The following BRD8 variants were observed in gnomAD, a reference collection of about 807,000 sequenced individuals.
BRD8 encodes the protein bromodomain-containing protein 8.
BRD8 carries 67 observed loss-of-function variants against 143.1 expected under a neutral mutation model. The ratio of observed to expected loss-of-function variants is 0.47; its 90% confidence interval spans 0.38 to 0.57. BRD8 has a LOEUF of 0.57. Among genes scored for constraint, BRD8 ranks in the 20% least tolerant of loss-of-function variants. The pLI, the probability that BRD8 is intolerant of heterozygous loss-of-function variation, is 0.00. For missense variants in BRD8, 1,103 were observed against 1,503.0 expected (o/e 0.73, Z 4.40); for synonymous variants, 505 against 517.1 (o/e 0.98, Z 0.32).
intron 2 of BRD8, among the ~76,000 whole-genome samples, chr5:138,174,631 T>C (rs950923813): frequency 6.6e-6 from 1 of 151,712 alleles, no homozygotes; most frequent in Non-Finnish European, 1.5e-5. Context: ...ACATCAATTA[T>C]ATCACAAAAA....
chr5:138,171,846 C>G (rs1753888898), intron 3 of BRD8, among the ~76,000 whole-genome samples: 1 of 152,034 alleles, frequency 6.6e-6, no homozygotes, highest in Non-Finnish European at 1.5e-5. Context: ...GATCTAATTC[C>G]CAAGCTTGGG....
At chr5:138,175,443 A>C (rs1162030951) in intron 2 of BRD8, among the ~76,000 whole-genome samples, 1 of 151,964 alleles carries the variant, frequency 6.6e-6, no homozygotes, top group Non-Finnish European at 1.5e-5. Context: ...CTAGGCTGGG[A>C]GTGATGGCTC....
At chr5:138,149,858 A>C in intron 22 of BRD8, 61 bp from the exon 23 acceptor site, 1 of 1,506,042 alleles carries the variant, frequency 6.6e-7, no homozygotes. Flanking sequence ...TAGTAATTTT[A>C]CTTGCATAGA....
intron 25 of BRD8, among the ~76,000 whole-genome samples, chr5:138,144,898 C>CAAAAA (rs34496046): frequency 2.9e-4 from 30 of 103,468 alleles, no homozygotes; most frequent in Non-Finnish European, 4.1e-4. Context: ...GAGACCCTGT[C>CAAAAA]AAAAAAAAAA....
intron 23 of BRD8, 62 bp from the exon 24 acceptor site, chr5:138,145,940 C>A: frequency 7.1e-7 from 1 of 1,407,394 alleles, no homozygotes. Context: ...CTATCTCCCC[C>A]AGGTGGGTAA....
chr5:138,148,660 C>T (rs530618710), intron 23 of BRD8, among the ~76,000 whole-genome samples: 171 of 152,174 alleles, frequency 1.1e-3, no homozygotes, highest in Non-Finnish European at 1.9e-3. Flanking sequence ...TGAGCCACTG[C>T]GCCTGGCCTA....
At position 138,140,806 on chromosome 5, in the gene BRD8, G is replaced by C; in HGVS notation, c.3514C>G (p.Leu1172Val). ...IRTMAQFLRD[L>V]MLMFQNAVMY... ...ACAGCATTTTGGAACATCAGCATCA[G>C]GTCTCGCAGGAATTGGGCCATGGTG... Residue 1172 changes from leucine to valine, a missense_variant, in exon 26 of 27, where the codon CTG becomes GTG. This residue lies in a region of BRD8 where 369 missense variants were observed against 445.5 expected (regional missense o/e 0.83). Transcript: ENST00000254900. The C allele has an allele frequency of 6.2e-7, 1 of 1,614,122 alleles. No individual in the cohort carries two copies. The highest frequency in any genetic ancestry group is 8.5e-7 in the Non-Finnish European group (1 of 1,180,014).
chr5:138,168,865 T>G (rs2151209954), intron 8 of BRD8, among the ~76,000 whole-genome samples: 1 of 152,230 alleles, frequency 6.6e-6, no homozygotes, highest in Middle Eastern at 3.4e-3. Context: ...TTCTCTTTCA[T>G]CCACTCAAAC....
chr5:138,174,591 CAAA>C (rs76909663), intron 2 of BRD8, among the ~76,000 whole-genome samples: 1 of 114,700 alleles, frequency 8.7e-6, no homozygotes. Context: ...GACTCCATCT[CAAA>C]AAAAAAAAAA....
At chr5:138,156,886 GTT>G in intron 20 of BRD8, 1 of 996,302 alleles carries the variant, frequency 1.0e-6, no homozygotes, top group Non-Finnish European at 1.2e-6. Flanking sequence ...CCAAAGGCTA[GTT>G]TTTTTTTTCA....
At chr5:138,173,491 G>A (rs1046740159) in intron 2 of BRD8, among the ~76,000 whole-genome samples, 1 of 151,830 alleles carries the variant, frequency 6.6e-6, no homozygotes, top group African/African-American at 2.4e-5. Flanking sequence ...TACCTGTTTT[G>A]TTTAAAAATG....
chr5:138,151,109 C>T, intron 21 of BRD8, 101 bp from the exon 22 acceptor site: 1 of 1,408,298 alleles, frequency 7.1e-7, no homozygotes, highest in Non-Finnish European at 9.6e-7. Context: ...GTGACTAAGT[C>T]TGAGAGGACA....
Position 138,169,338 on chromosome 5 carries a change from G to T in BRD8, c.526C>A (p.Pro176Thr), listed in dbSNP as rs756029460. ...ATCACAGTGGGTAACCTCCGGGGGG[G>T]TGTTTTTACTGCTTGACGAGCTAGA... ...AYQARQAVKTPPRRLPTVMVR... is the reference protein window; with the variant it reads ...AYQARQAVKTTPRRLPTVMVR... Residue 176 changes from proline to threonine, a missense_variant, in exon 8 of 27, where the codon CCC (proline) becomes ACC (threonine). Pro to Thr is a conservative substitution (Grantham distance 38). Transcript: ENST00000254900. 41 of 1,613,814 alleles carry T rather than the reference G, an allele frequency of 2.5e-5. No homozygotes were observed. The highest frequency in any genetic ancestry group is 3.5e-5 in the Non-Finnish European group (41 of 1,179,932).
chr5:138,164,825 C>A lies in BRD8; in HGVS notation c.1620G>T (p.Arg540Ser). The change falls in exon 12 of 27, where the codon AGG becomes AGT. Residue 540 changes from arginine to serine, a missense_variant. Around this residue, in one of 7 missense-constraint regions of BRD8, gnomAD observed 139 missense variants for 139.0 expected, o/e 1.00. Coordinates refer to ENST00000254900, the MANE Select transcript of BRD8 (RefSeq NM_139199.2). ...PATSMEPPELRSQDLDEELGS... is the reference protein window; with the variant it reads ...PATSMEPPELSSQDLDEELGS... ...CCAGTTCCTCATCTAAGTCCTGACT[C>A]CTGAGTTCTGGTGGCTCCATACTTG... The A allele has an allele frequency of 6.2e-7, 1 of 1,614,248 alleles. No individual in the cohort carries two copies. The highest frequency in any genetic ancestry group is 1.3e-5 in the African/African-American group (1 of 75,058).
intron 2 of BRD8, among the ~76,000 whole-genome samples, chr5:138,173,291 G>A (rs186053483): frequency 5.3e-5 from 8 of 151,908 alleles, no homozygotes; most frequent in Middle Eastern, 3.4e-3. Context: ...CCAGCTACTC[G>A]GGAGGCTGAG....
intron 22 of BRD8, among the ~76,000 whole-genome samples, chr5:138,150,264 C>T (rs1312459940): frequency 1.3e-5 from 2 of 151,744 alleles, no homozygotes; most frequent in Non-Finnish European, 2.9e-5. Flanking sequence ...GCCACCATAC[C>T]TGGCTAATTT....
chr5:138,140,693 T>G lies in BRD8; in HGVS notation c.3615+12A>C. The G allele has an allele frequency of 6.2e-7, 1 of 1,611,282 alleles. No individual in the cohort carries two copies. Among genetic ancestry groups the G allele is most frequent in the Non-Finnish European group, 8.5e-7 (1 of 1,177,320 alleles). ...CAAGATTCCAGAGGCTACAGGTATC[T>G]GCATACAGTACCTGAATCTGCTCCA... On this transcript the variant is annotated intron_variant, in intron 26 of 26. Coordinates refer to ENST00000254900, the MANE Select transcript of BRD8 (RefSeq NM_139199.2).
At chr5:138,149,019 C>T (rs906486335) in intron 23 of BRD8, among the ~76,000 whole-genome samples, 2 of 150,444 alleles carry the variant, frequency 1.3e-5, no homozygotes, top group Non-Finnish European at 3.0e-5. Flanking sequence ...GAGTCATGAT[C>T]GTGCCCATTG....
intron 19 of BRD8, 79 bp downstream of exon 19, chr5:138,159,990 A>G: frequency 1.0e-6 from 1 of 1,001,528 alleles, no homozygotes; most frequent in Non-Finnish European, 1.6e-6. Flanking sequence ...AATACCAAGT[A>G]GTAACATAAG....
Sources: gnomAD v4.1 joint callset for allele counts (sites outside exome capture counted in the v4.1 genomes callset) on GRCh38, gnomAD v4.1.1 for gene constraint, gnomAD v4.1.1 regional missense constraint, MANE v1.5 for transcripts, NCBI Gene and HGNC (gene_info 2026-07-23, HGNC 2026-07-21) for gene names.